Variants in LAMC1 observed in about 807,000 individuals in gnomAD.
LAMC1 encodes the protein laminin subunit gamma-1.
Under a neutral mutation model 173.6 loss-of-function variants are expected in LAMC1, and 38 were observed. The ratio of observed to expected loss-of-function variants is 0.22; its 90% CI spans 0.17 to 0.29. The LOEUF is 0.29. Among genes scored for constraint, LAMC1 ranks in the 10% least tolerant of loss-of-function variants. The probability of loss-of-function intolerance (pLI) is 1.00; values close to 1 mark genes in which losing one functional copy is unlikely to be tolerated. For synonymous variants in LAMC1, 746 were observed against 749.1 expected (o/e 1.00, Z 0.07); for missense variants, 1,824 against 2,051.8 (o/e 0.89, Z 2.14).
Position 183,023,806 on chromosome 1 carries a change from G to A in LAMC1, c.90G>A (p.Ala30=). 1.3e-6 allele frequency: 2 copies of A among 1,527,466 alleles called. No homozygotes were observed. The highest frequency in any genetic ancestry group is 1.4e-5 in the African/African-American group (1 of 72,032). 94.6% of individuals were successfully genotyped at this position (1,527,466 alleles called of 1,614,324 possible). A position where few individuals can be genotyped will look rare whatever the true frequency, so the allele number is the denominator to read the frequency against. The part of the protein sequence containing the change: ...VLAVLAAAAA[A]GCAQAAMDEC... ...CCGTGCTGGCGGCGGCCGCCGCGGC[G>A]GGCTGTGCCCAGGCAGCCATGGACG... The change falls in exon 1 of 28, where the codon GCG becomes GCA. Residue 30 remains alanine (A), a synonymous_variant. Transcript: ENST00000258341.
At chr1:183,035,563 C>G (rs997860059) in intron 1 of LAMC1, among the ~76,000 whole-genome samples, 1 of 152,172 alleles carries the variant, frequency 6.6e-6, no homozygotes, top group Non-Finnish European at 1.5e-5. Flanking sequence ...GTTAATGCTT[C>G]TAGAAATTTC....
At chr1:183,128,296 G>GT (rs1362649199) in intron 17 of LAMC1, among the ~76,000 whole-genome samples, 5 of 151,936 alleles carry the variant, frequency 3.3e-5, no homozygotes, top group Non-Finnish European at 7.4e-5. Flanking sequence ...AGCTCTGAAG[G>GT]TTTTTTTTGA....
At chr1:183,084,259 C>T (rs925436240) in intron 1 of LAMC1, among the ~76,000 whole-genome samples, 1 of 151,778 alleles carries the variant, frequency 6.6e-6, no homozygotes, top group Non-Finnish European at 1.5e-5. Flanking sequence ...AGGAGAATGG[C>T]GTGAACCCGG....
intron 18 of LAMC1, among the ~76,000 whole-genome samples, chr1:183,129,562 C>CT (rs35704532): frequency 4.6e-4 from 67 of 147,122 alleles, no homozygotes; most frequent in South Asian, 8.6e-4. Flanking sequence ...GACTTCTCAT[C>CT]TTTTTTTTTT....
intron 13 of LAMC1, 79 bp downstream of exon 13, chr1:183,122,330 T>C: frequency 7.5e-7 from 1 of 1,338,892 alleles, no homozygotes; most frequent in South Asian, 1.3e-5. Flanking sequence ...GGAGTTGTTT[T>C]GGATCTTTGT....
rs142849223 is a variant in LAMC1 at position 183,082,631 on chromosome 1, A to G, written c.419-20697A>G. On this transcript the variant is annotated intron_variant, in intron 1 of 27. Coordinates refer to ENST00000258341, the MANE Select transcript of LAMC1 (RefSeq NM_002293.4). ...CAGATACTGTGTCTTACATTTTAGA[A>G]TCACTGCTGGAAATGGAGTTATATT... Among the ~76,000 whole-genome samples the G allele has an allele frequency of 2.0e-4, 30 of 152,336 alleles. 1 individual carries two copies. In the East Asian group the frequency reaches 3.1e-3, roughly 16 times the overall value.
chr1:183,104,853 T>A (rs867373668), intron 2 of LAMC1, among the ~76,000 whole-genome samples: 1 of 152,148 alleles, frequency 6.6e-6, no homozygotes, highest in South Asian at 2.1e-4. Flanking sequence ...AAAAAGTGTT[T>A]CTTGCAATGG....
intron 1 of LAMC1, among the ~76,000 whole-genome samples, chr1:183,048,685 T>C (rs923640449): frequency 1.3e-5 from 2 of 152,172 alleles, no homozygotes; most frequent in Non-Finnish European, 2.9e-5. Context: ...GATTATATAA[T>C]TTATGAGTTT....
At chr1:183,060,355 C>T (rs1571415026) in intron 1 of LAMC1, among the ~76,000 whole-genome samples, 2 of 151,436 alleles carry the variant, frequency 1.3e-5, no homozygotes, top group African/African-American at 4.9e-5. Context: ...GAGTTCAAGG[C>T]CAGCCTGGGC....
chr1:183,135,812 T>C (rs10752905), intron 24 of LAMC1, among the ~76,000 whole-genome samples: 81,979 of 149,752 alleles, frequency 0.55, 22,501 homozygotes, highest in South Asian at 0.65. Flanking sequence ...TCCCTTGGGC[T>C]CAGGAGGTCA....
At chr1:183,073,693 CAT>C (rs1293163131) in intron 1 of LAMC1, among the ~76,000 whole-genome samples, 2 of 152,072 alleles carry the variant, frequency 1.3e-5, no homozygotes, top group Non-Finnish European at 2.9e-5. Context: ...TCAAAGTACT[CAT>C]ATATATGTGT....
chr1:183,139,063 T>TA (rs1289286356), intron 26 of LAMC1, among the ~76,000 whole-genome samples: 4 of 151,670 alleles, frequency 2.6e-5, no homozygotes, highest in East Asian at 1.9e-4. Flanking sequence ...AAAATTCCCA[T>TA]AAAAAAAATA....
At chr1:183,061,124 G>C (rs1007318401) in intron 1 of LAMC1, among the ~76,000 whole-genome samples, 1 of 152,168 alleles carries the variant, frequency 6.6e-6, no homozygotes, top group African/African-American at 2.4e-5. Context: ...AAGGCAAAAG[G>C]AGAGACACTG....
At chr1:183,120,273 C>T (rs541414219) in intron 11 of LAMC1, among the ~76,000 whole-genome samples, 1 of 149,700 alleles carries the variant, frequency 6.7e-6, no homozygotes, top group African/African-American at 2.4e-5. Context: ...AAAGAATGTT[C>T]AGTTAAGAAG....
intron 13 of LAMC1, among the ~76,000 whole-genome samples, chr1:183,123,904 A>AAAGGCC (rs1656548381): frequency 6.6e-6 from 1 of 152,192 alleles, no homozygotes; most frequent in African/African-American, 2.4e-5. Flanking sequence ...TTCAGGCCCT[A>AAAGGCC]CTGGTTACAA....
chr1:183,110,830 G>A lies in LAMC1; in HGVS notation c.1021+176G>A, dbSNP rs143725763. ...AAGTCATAGATGAGGGCAATTCACT[G>A]TAAAGGCAAACTGAGGGTTTTGTGT... On this transcript the variant is annotated intron_variant, in intron 4 of 27. Coordinates refer to ENST00000258341, the MANE Select transcript of LAMC1 (RefSeq NM_002293.4). Among the ~76,000 whole-genome samples the A allele has an allele frequency of 4.5e-3, 683 of 152,298 alleles. 8 individuals are homozygous for A. The highest frequency in any genetic ancestry group is 0.016 in the African/African-American group (648 of 41,560).
rs1367028275 is a variant in LAMC1 at position 183,024,127 on chromosome 1, G to C, written c.411G>C (p.Leu137=). 6.3e-7 allele frequency: 1 copy of C among 1,581,352 alleles called. No individual in the cohort carries two copies. Among genetic ancestry groups the C allele is most frequent in the Admixed American group, 1.8e-5 (1 of 56,268 alleles). Reference sequence around the variant, plus strand: ...ACCCCAGCTCCATCAACCTCACGCTGCACCTGGGTAAGCGGTGACAGCCCC... The same window carrying C: ...ACCCCAGCTCCATCAACCTCACGCTCCACCTGGGTAAGCGGTGACAGCCCC... ...VQYPSSINLT[L]HLGKAFDITY... Residue 137 remains leucine (L), a synonymous_variant, in exon 1 of 28, where the codon CTG becomes CTC. Transcript: ENST00000258341.
rs191026462 is a variant in LAMC1 at position 183,095,621 on chromosome 1, G to A, written c.419-7707G>A. Among the ~76,000 whole-genome samples the A allele has an allele frequency of 1.6e-4, 25 of 152,272 alleles. No homozygotes were observed. The East Asian group carries it at 2.9e-3, about 18-fold the overall frequency. On this transcript the variant is annotated intron_variant, in intron 1 of 27. Coordinates refer to ENST00000258341, the MANE Select transcript of LAMC1 (RefSeq NM_002293.4). ...TAGTGGGATCTTTGTTCAGCAGAGC[G>A]AGTGGATTTTTTGCCTCAGCTTACA...
intron 1 of LAMC1, among the ~76,000 whole-genome samples, chr1:183,039,276 G>A (rs1654064189): frequency 6.9e-6 from 1 of 145,852 alleles, no homozygotes; most frequent in Admixed American, 6.8e-5. Flanking sequence ...TGGGGTCGGG[G>A]GAGGGTTAGA....
Sources: allele counts gnomAD v4.1 joint callset (sites outside exome capture counted in the v4.1 genomes callset), GRCh38; gene constraint gnomAD v4.1.1; transcripts MANE v1.5; gene names NCBI Gene and HGNC (gene_info 2026-07-23, HGNC 2026-07-21).